ELMO1: variants seen among roughly 807,000 people sequenced by gnomAD.
The protein encoded by ELMO1 is engulfment and cell motility 1.
A neutral mutation model predicts 98.9 loss-of-function variants in ELMO1; 26 were observed. That is an observed-to-expected ratio of 0.26 (90% CI 0.19 to 0.36). The LOEUF is 0.36. ELMO1 is among the 10% of genes least tolerant of loss of function. The probability of loss-of-function intolerance (pLI) is 1.00; values close to 1 mark genes in which losing one functional copy is unlikely to be tolerated. For synonymous variants in ELMO1, 346 were observed against 346.0 expected (o/e 1.00, Z 0.00); for missense variants, 627 against 935.2 (o/e 0.67, Z 4.30).
At chr7:37,336,119 C>T (rs1360690312) in intron 2 of ELMO1, among the ~76,000 whole-genome samples, 3 of 151,760 alleles carry the variant, frequency 2.0e-5, no homozygotes, top group Admixed American at 2.0e-4. Flanking sequence ...CTCAGCTACT[C>T]GAGAGGCTGA....
intron 5 of ELMO1, among the ~76,000 whole-genome samples, chr7:37,268,513 G>C (rs1231922106): frequency 6.6e-6 from 1 of 152,058 alleles, no homozygotes; most frequent in East Asian, 1.9e-4. Flanking sequence ...TCTTGGCCAG[G>C]CTGGTCTTGA....
intron 2 of ELMO1, among the ~76,000 whole-genome samples, chr7:37,337,238 A>G (rs1199318363): frequency 1.3e-5 from 2 of 152,204 alleles, no homozygotes; most frequent in Admixed American, 6.5e-5. Flanking sequence ...TGATGAGTTC[A>G]TGTCCTTTGG....
intron 15 of ELMO1, among the ~76,000 whole-genome samples, chr7:37,054,653 T>C (rs1299416911): frequency 6.6e-6 from 1 of 152,234 alleles, no homozygotes; most frequent in South Asian, 2.1e-4. Flanking sequence ...AACTTCTGTT[T>C]ATTCATACTA....
At chr7:36,918,519 TA>T (rs1157542811) in intron 16 of ELMO1, among the ~76,000 whole-genome samples, 1 of 152,122 alleles carries the variant, frequency 6.6e-6, no homozygotes, top group Admixed American at 6.5e-5. Flanking sequence ...AAAATTCAGA[TA>T]ATCAGGCCCA....
chr7:37,294,055 G>C (rs1213139878), intron 4 of ELMO1, among the ~76,000 whole-genome samples: 1 of 152,074 alleles, frequency 6.6e-6, no homozygotes, highest in African/African-American at 2.4e-5. Context: ...CTCTCATTCA[G>C]ATGGCATATA....
intron 1 of ELMO1, among the ~76,000 whole-genome samples, chr7:37,346,275 A>G (rs953840177): frequency 3.9e-5 from 6 of 152,182 alleles, no homozygotes; most frequent in African/African-American, 1.4e-4. Context: ...TCAGAGTGTA[A>G]ATCAGCACAG....
chr7:36,900,999 G>T (rs937449222), intron 16 of ELMO1, among the ~76,000 whole-genome samples: 2 of 151,504 alleles, frequency 1.3e-5, no homozygotes, highest in African/African-American at 4.8e-5. Context: ...GCCAGGGATC[G>T]CTTTGGGGCT....
intron 4 of ELMO1, among the ~76,000 whole-genome samples, chr7:37,278,939 C>T (rs982077528): frequency 6.6e-6 from 1 of 152,070 alleles, no homozygotes; most frequent in African/African-American, 2.4e-5. Flanking sequence ...CGGTGGCTCA[C>T]GCCTGTAATC....
chr7:37,018,799 C>T (rs1252884072), intron 15 of ELMO1, among the ~76,000 whole-genome samples: 3 of 151,902 alleles, frequency 2.0e-5, no homozygotes, highest in South Asian at 2.1e-4. Flanking sequence ...TAATCAAGTA[C>T]ATGGCATAGG....
chr7:37,426,142 CT>C (rs36086006), intron 1 of ELMO1, among the ~76,000 whole-genome samples: 177 of 84,576 alleles, frequency 2.1e-3, no homozygotes, highest in Middle Eastern at 9.3e-3. Context: ...TTTTTTCTTT[CT>C]TTTTTTTTTT....
chr7:37,195,230 G>A (rs752524680), intron 13 of ELMO1, among the ~76,000 whole-genome samples: 22 of 152,188 alleles, frequency 1.4e-4, no homozygotes, highest in Non-Finnish European at 2.5e-4. Context: ...AGAGTGATAA[G>A]GAGTTCACTC....
intron 14 of ELMO1, among the ~76,000 whole-genome samples, chr7:37,100,243 C>T (rs1186631731): frequency 6.6e-6 from 1 of 152,208 alleles, no homozygotes; most frequent in Non-Finnish European, 1.5e-5. Context: ...TCCTCCTAGA[C>T]AAAGCTATAA....
intron 16 of ELMO1, among the ~76,000 whole-genome samples, chr7:36,980,313 G>A (rs1374251564): frequency 6.6e-6 from 1 of 152,158 alleles, no homozygotes; most frequent in East Asian, 1.9e-4. Context: ...TCTCACTAGC[G>A]GTTGACTTAG....
At position 37,116,418 on chromosome 7, in the gene ELMO1, T is replaced by C. The variant is rs1584668663; in HGVS notation, c.1191+16712A>G. On this transcript the variant is annotated intron_variant, in intron 14 of 21. Coordinates refer to ENST00000310758, the MANE Select transcript of ELMO1 (RefSeq NM_014800.11). ...TATGGGCTGAATTTGGAGAACTGGG[T>C]TGGAGAAATAATGGAAAGATACTAA... Among the ~76,000 whole-genome samples the C allele has an allele frequency of 3.3e-5, 5 of 151,548 alleles. 1 individual carries two copies. Among genetic ancestry groups the C allele is most frequent in the Admixed American group, 3.3e-4 (5 of 15,198 alleles).
chr7:37,387,977 A>G (rs1802881459), intron 1 of ELMO1, among the ~76,000 whole-genome samples: 1 of 152,090 alleles, frequency 6.6e-6, no homozygotes, highest in African/African-American at 2.4e-5. Context: ...GACTACAGGT[A>G]CATGCCACCA....
At chr7:37,405,018 A>T (rs1046377924) in intron 1 of ELMO1, among the ~76,000 whole-genome samples, 2 of 152,122 alleles carry the variant, frequency 1.3e-5, no homozygotes, top group Non-Finnish European at 2.9e-5. Context: ...GCGTTTGCTG[A>T]GCAATCATTT....
At chr7:37,246,866 CTCTATCTATCTA>C (rs10547342) in intron 6 of ELMO1, among the ~76,000 whole-genome samples, 2 of 150,980 alleles carry the variant, frequency 1.3e-5, no homozygotes, top group South Asian at 2.1e-4. Context: ...CTATATATAT[CTCTATCTATCTA>C]TCTATCTATC....
chr7:36,933,096 C>A (rs1391738561), intron 16 of ELMO1, among the ~76,000 whole-genome samples: 1 of 152,118 alleles, frequency 6.6e-6, no homozygotes, highest in African/African-American at 2.4e-5. Flanking sequence ...TCCTTTTGGC[C>A]CAGTTAACTT....
chr7:37,408,745 C>A (rs1803877639), intron 1 of ELMO1, among the ~76,000 whole-genome samples: 2 of 151,992 alleles, frequency 1.3e-5, no homozygotes, highest in Admixed American at 6.6e-5. Context: ...GTGGTAGTTG[C>A]CAGGGGCTGG....
Sources: gnomAD v4.1 joint callset for allele counts (sites outside exome capture counted in the v4.1 genomes callset) on GRCh38, gnomAD v4.1.1 for gene constraint, MANE v1.5 for transcripts, NCBI Gene and HGNC (gene_info 2026-07-23, HGNC 2026-07-21) for gene names.